ZFPM2: variants seen among roughly 807,000 people sequenced by gnomAD.
ZFPM2 encodes the protein zinc finger protein, FOG family member 2, also known as zinc finger protein ZFPM2.
ZFPM2 carries 20 observed loss-of-function variants against 98.6 expected under a neutral mutation model. The ratio of observed to expected loss-of-function variants is 0.20; its 90% confidence interval spans 0.14 to 0.29. ZFPM2 has a LOEUF of 0.29. Ranked by LOEUF, ZFPM2 falls within the 10% of genes least tolerant of loss-of-function variation. The pLI, the probability that ZFPM2 is intolerant of heterozygous loss-of-function variation, is 1.00. For synonymous variants in ZFPM2, 518 were observed against 502.7 expected (o/e 1.03, Z -0.41); for missense variants, 1,310 against 1,388.6 (o/e 0.94, Z 0.90).
chr8:105,574,951 A>T (rs909370825), intron 4 of ZFPM2, among the ~76,000 whole-genome samples: 1 of 151,492 alleles, frequency 6.6e-6, no homozygotes, highest in African/African-American at 2.4e-5. Context: ...AAAAAAAAAA[A>T]TAGCACTTGC....
chr8:105,408,137 T>A (rs1057367601), intron 1 of ZFPM2, among the ~76,000 whole-genome samples: 14 of 151,948 alleles, frequency 9.2e-5, no homozygotes, highest in African/African-American at 3.1e-4. Context: ...TGCGATTGCT[T>A]GAGCAGGGTG....
chr8:105,341,305 C>T (rs1304369885), intron 1 of ZFPM2, among the ~76,000 whole-genome samples: 1 of 151,846 alleles, frequency 6.6e-6, no homozygotes, highest in South Asian at 2.1e-4. Flanking sequence ...GCATTTTCAA[C>T]AAATGGAGAA....
intron 1 of ZFPM2, among the ~76,000 whole-genome samples, chr8:105,388,336 TG>T (rs1563635356): frequency 6.8e-6 from 1 of 146,730 alleles, no homozygotes; most frequent in African/African-American, 2.5e-5. Context: ...GAAAAGGAGA[TG>T]GGGTTGGGGG....
At chr8:105,473,536 A>T (rs796071353) in intron 3 of ZFPM2, among the ~76,000 whole-genome samples, 8 of 152,344 alleles carry the variant, frequency 5.3e-5, no homozygotes, top group African/African-American at 1.9e-4. Flanking sequence ...GATCTATTCA[A>T]TTCTGGTGGG....
intron 3 of ZFPM2, among the ~76,000 whole-genome samples, chr8:105,507,991 G>C (rs759258995): frequency 1.3e-5 from 2 of 152,120 alleles, no homozygotes; most frequent in Non-Finnish European, 2.9e-5. Flanking sequence ...TCTTTGTCAA[G>C]GAAGGAAAGA....
At chr8:105,664,681 T>A (rs1817457345) in intron 5 of ZFPM2, among the ~76,000 whole-genome samples, 1 of 152,214 alleles carries the variant, frequency 6.6e-6, no homozygotes, top group Admixed American at 6.5e-5. Context: ...TCTGAAATTC[T>A]CATTTTTACT....
At chr8:105,607,122 C>G (rs939806430) in intron 4 of ZFPM2, among the ~76,000 whole-genome samples, 1 of 152,144 alleles carries the variant, frequency 6.6e-6, no homozygotes, top group Non-Finnish European at 1.5e-5. Context: ...ATCCTCTCTC[C>G]TCTTCGGCCA....
At chr8:105,474,747 C>T (rs188222985) in intron 3 of ZFPM2, among the ~76,000 whole-genome samples, 3 of 152,206 alleles carry the variant, frequency 2.0e-5, no homozygotes, top group African/African-American at 4.8e-5. Context: ...AAATCAAAGC[C>T]GTTAAAACCA....
chr8:105,648,011 C>T (rs1393848549), intron 5 of ZFPM2, among the ~76,000 whole-genome samples: 3 of 152,152 alleles, frequency 2.0e-5, no homozygotes, highest in Admixed American at 6.5e-5. Context: ...AAAAGTGTTC[C>T]TATTTCTCCA....
At chr8:105,734,142 T>G (rs1812014725) in intron 5 of ZFPM2, among the ~76,000 whole-genome samples, 1 of 151,920 alleles carries the variant, frequency 6.6e-6, no homozygotes, top group Admixed American at 6.6e-5. Context: ...TCCATAGACT[T>G]GTGTTTAATG....
chr8:105,423,474 A>G (rs949590287), intron 2 of ZFPM2, among the ~76,000 whole-genome samples: 17 of 152,336 alleles, frequency 1.1e-4, no homozygotes, highest in Admixed American at 1.1e-3. Context: ...TTACATTGTC[A>G]TCTTTTGTTT....
chr8:105,639,196 T>G (rs1010202828), intron 5 of ZFPM2, among the ~76,000 whole-genome samples: 5 of 152,106 alleles, frequency 3.3e-5, no homozygotes, highest in Non-Finnish European at 7.4e-5. Flanking sequence ...CCTTACCTTC[T>G]TATATGCTAT....
At chr8:105,534,226 C>A (rs1424019591) in intron 3 of ZFPM2, among the ~76,000 whole-genome samples, 1 of 49,808 alleles carries the variant, frequency 2.0e-5, no homozygotes, top group Non-Finnish European at 3.5e-5. Context: ...TTTTCTTCCT[C>A]CCTTCCTCCC....
At chr8:105,511,212 T>C (rs537491403) in intron 3 of ZFPM2, among the ~76,000 whole-genome samples, 1 of 152,380 alleles carries the variant, frequency 6.6e-6, no homozygotes, top group East Asian at 1.9e-4. Context: ...CCACTTCTGC[T>C]AGCTCCTTGC....
At chr8:105,346,805 T>C (rs570404715) in intron 1 of ZFPM2, among the ~76,000 whole-genome samples, 6 of 152,178 alleles carry the variant, frequency 3.9e-5, no homozygotes, top group Non-Finnish European at 8.8e-5. Context: ...ATTTTGTCAG[T>C]GAAAGGGCTT....
chr8:105,402,627 A>C (rs1168794274), intron 1 of ZFPM2, among the ~76,000 whole-genome samples: 1 of 151,996 alleles, frequency 6.6e-6, no homozygotes, highest in Non-Finnish European at 1.5e-5. Flanking sequence ...TCCTCTTTTA[A>C]TATGTGTTGT....
At chr8:105,370,374 C>A (rs1810594874) in intron 1 of ZFPM2, among the ~76,000 whole-genome samples, 1 of 152,096 alleles carries the variant, frequency 6.6e-6, no homozygotes, top group Non-Finnish European at 1.5e-5. Context: ...CTTACCTTTC[C>A]CAAATTGTGA....
intron 4 of ZFPM2, among the ~76,000 whole-genome samples, chr8:105,566,788 A>G: frequency 6.6e-6 from 1 of 152,218 alleles, no homozygotes; most frequent in East Asian, 1.9e-4. Context: ...CTTACAACAT[A>G]ATAGTAAACT....
At chr8:105,578,106 T>TA (rs1815507439) in intron 4 of ZFPM2, among the ~76,000 whole-genome samples, 1 of 152,124 alleles carries the variant, frequency 6.6e-6, no homozygotes, top group African/African-American at 2.4e-5. Flanking sequence ...ACTCAAGTGA[T>TA]AGAGGATAAA....
Sources: allele counts gnomAD v4.1 joint callset (sites outside exome capture counted in the v4.1 genomes callset), GRCh38; gene constraint gnomAD v4.1.1; transcripts MANE v1.5; gene names NCBI Gene and HGNC (gene_info 2026-07-23, HGNC 2026-07-21).